The following PCBP3 variants were observed in gnomAD, a reference collection of about 807,000 sequenced individuals.
PCBP3 encodes the protein poly(rC) binding protein 3.
In PCBP3, 25 loss-of-function variants were observed where a neutral mutation model predicts 52.7. The ratio of observed to expected loss-of-function variants is 0.47; its 90% CI spans 0.35 to 0.66. The LOEUF is 0.66. PCBP3 is among the 30% of genes least tolerant of loss of function. The pLI is 0.01. For missense variants in PCBP3, 391 were observed against 490.3 expected (o/e 0.80, Z 1.91); for synonymous variants, 162 against 183.0 (o/e 0.89, Z 0.93).
chr21:45,820,311 T>TG, intron 4 of PCBP3, among the ~76,000 whole-genome samples: 1 of 152,382 alleles, frequency 6.6e-6, no homozygotes, highest in South Asian at 2.1e-4. Flanking sequence ...GTGAGGTCGT[T>TG]GCGCCTACCT....
intron 5 of PCBP3, chr21:45,872,901 A>G (rs2148657605): frequency 6.6e-6 from 1 of 152,296 alleles, no homozygotes; most frequent in African/African-American, 2.4e-5. Flanking sequence ...TTGTCTGATT[A>G]GTCTTCATAT....
chr21:45,797,757 A>AGTGC (rs2092036632), intron 4 of PCBP3, among the ~76,000 whole-genome samples: 1 of 5,762 alleles, frequency 1.7e-4, no homozygotes, highest in African/African-American at 7.7e-4. Flanking sequence ...AGAGAGAGTG[A>AGTGC]ATGGATGTGC....
chr21:45,885,288 T>A (rs1386542646), intron 5 of PCBP3, among the ~76,000 whole-genome samples: 8 of 152,110 alleles, frequency 5.3e-5, no homozygotes, highest in Non-Finnish European at 1.2e-4. Flanking sequence ...TAGCATGGGG[T>A]CATGTCCCTC....
In PCBP3 at chr21:45,912,074, G is replaced by A. The variant is rs561681738; in HGVS notation, c.600+1044G>A. On this transcript the variant is annotated intron_variant, in intron 11 of 17. Transcript: ENST00000681687. ...CCGAGGTCCAGCTCCTCAACAACAC[G>A]TGGGTCTCGTCAGCGTCACCCAGTG... Among the ~76,000 whole-genome samples, 18 of 152,298 alleles carry A rather than the reference G, an allele frequency of 1.2e-4. No homozygotes were observed. The South Asian group carries it at 1.5e-3, about 12-fold the overall frequency.
intron 4 of PCBP3, among the ~76,000 whole-genome samples, chr21:45,777,044 G>A (rs2090315527): frequency 6.6e-6 from 1 of 152,142 alleles, no homozygotes; most frequent in African/African-American, 2.4e-5. Context: ...GTTGGTAAAT[G>A]TCATCTTTGT....
chr21:45,692,756 G>A (rs542719967), intron 2 of PCBP3, among the ~76,000 whole-genome samples: 1 of 152,196 alleles, frequency 6.6e-6, no homozygotes, highest in African/African-American at 2.4e-5. Context: ...ACAGAAGAGA[G>A]GAAAACACCT....
At chr21:45,786,149 T>TAAAC (rs545754146) in intron 4 of PCBP3, among the ~76,000 whole-genome samples, 133 of 144,776 alleles carry the variant, frequency 9.2e-4, no homozygotes, top group African/African-American at 3.4e-3. Flanking sequence ...AATAAATAAA[T>TAAAC]AAATAAATCA....
intron 4 of PCBP3, among the ~76,000 whole-genome samples, chr21:45,813,320 G>A (rs1603441267): frequency 6.6e-6 from 1 of 152,252 alleles, no homozygotes; most frequent in Non-Finnish European, 1.5e-5. Flanking sequence ...CCAGTGAATT[G>A]TCTTCTCCGA....
At chr21:45,907,042 C>CTTCAA (rs1475582174) in intron 9 of PCBP3, among the ~76,000 whole-genome samples, 2 of 152,258 alleles carry the variant, frequency 1.3e-5, no homozygotes, top group Non-Finnish European at 2.9e-5. Flanking sequence ...ACCCTGAGAG[C>CTTCAA]TGAAGGCCAG....
chr21:45,768,833 C>G (rs2089602008), intron 4 of PCBP3, among the ~76,000 whole-genome samples: 1 of 152,180 alleles, frequency 6.6e-6, no homozygotes, highest in Admixed American at 6.5e-5. Flanking sequence ...GAGCAGGGAG[C>G]CAGGCACCCC....
At chr21:45,910,256 C>A (rs889616804) in intron 10 of PCBP3, among the ~76,000 whole-genome samples, 4 of 140,846 alleles carry the variant, frequency 2.8e-5, no homozygotes, top group Non-Finnish European at 4.6e-5. Context: ...CCACTGCTCA[C>A]CTATGGATCC....
In PCBP3 at chr21:45,888,728, C is replaced by A. The variant is rs2095581833; in HGVS notation, c.11-7480C>A. On this transcript the variant is annotated intron_variant, in intron 5 of 17. Transcript: ENST00000681687. ...TGAAGCTGAAATGAATAAACATGTTCCACACGTGGACAGTATCTATACATG... is the reference window on the plus strand; with the variant it reads ...TGAAGCTGAAATGAATAAACATGTTACACACGTGGACAGTATCTATACATG... Among the ~76,000 whole-genome samples, 12 of 152,208 alleles carry A rather than the reference C, an allele frequency of 7.9e-5. 1 individual carries two copies. Among genetic ancestry groups the A allele is most frequent in the Admixed American group, 7.9e-4 (12 of 15,284 alleles).
At position 45,825,814 on chromosome 21, in the gene PCBP3, G is replaced by C. The variant is rs565374393; in HGVS notation, c.-125-24147G>C. ...AGAGGTGGGGTTGGTGGTGGGACGT[G>C]GGGGCGCATGTGGAATCTTTCACAG... is the stretch of plus-strand genomic sequence containing the variant. On this transcript the variant is annotated intron_variant, in intron 4 of 17. Transcript: ENST00000681687. Among the ~76,000 whole-genome samples the C allele has an allele frequency of 2.0e-5, 3 of 152,188 alleles. No individual in the cohort carries two copies. The East Asian group carries it at 5.8e-4, about 29-fold the overall frequency.
At chr21:45,856,431 A>G (rs2094297086) in intron 5 of PCBP3, among the ~76,000 whole-genome samples, 1 of 152,150 alleles carries the variant, frequency 6.6e-6, no homozygotes, top group Non-Finnish European at 1.5e-5. Flanking sequence ...CACATCTCAC[A>G]TGGAAATGTG....
chr21:45,873,997 G>C (rs951850482), intron 5 of PCBP3, among the ~76,000 whole-genome samples: 1 of 152,202 alleles, frequency 6.6e-6, no homozygotes, highest in Non-Finnish European at 1.5e-5. Context: ...TGATCCACCC[G>C]CCTCAGCCTG....
Position 45,788,853 on chromosome 21 carries a change from C to T in PCBP3, c.-126+33401C>T, listed in dbSNP as rs1603427365. On this transcript the variant is annotated intron_variant, in intron 4 of 17. Transcript: ENST00000681687. This position sits in a 1 kb window ranked among gnomAD's most constrained non-coding sequence, Gnocchi z 4.3. ...CAGAATGTTAATGACTCACCAGTCA[C>T]AGGGCAGTTCTCCTCAGGTTAGAAA... The T allele has an allele frequency of 1.3e-5, 2 of 152,342 alleles. No homozygotes were observed. The highest frequency in any genetic ancestry group is 1.5e-5 in the Non-Finnish European group (1 of 68,038). 9.4% of individuals were successfully genotyped at this position (152,342 alleles called of 1,614,324 possible). A position where few individuals can be genotyped will look rare whatever the true frequency, so the allele number is the denominator to read the frequency against.
chr21:45,780,804 G>C (rs9979780), intron 4 of PCBP3, among the ~76,000 whole-genome samples: 3,937 of 152,332 alleles, frequency 0.026, 178 homozygotes, highest in African/African-American at 0.09. Context: ...AAGAGAGAGA[G>C]AGAGCCAGGG....
intron 9 of PCBP3, 124 bp from the exon 10 acceptor site, chr21:45,909,231 C>CGGCT: frequency 9.6e-7 from 1 of 1,046,526 alleles, no homozygotes; most frequent in Middle Eastern, 2.1e-4. Context: ...ACTTTGTCCT[C>CGGCT]GGCTGTGCAT....
rs974126213 is a variant in PCBP3 at position 45,917,493 on chromosome 21, T to C, written c.676-95T>C. The C allele has an allele frequency of 1.3e-5, 12 of 931,922 alleles. No homozygotes were observed. Among genetic ancestry groups the C allele is most frequent in the Admixed American group, 3.5e-5 (2 of 57,556 alleles). 57.7% of individuals were successfully genotyped at this position (931,922 alleles called of 1,614,324 possible). On this transcript the variant is annotated intron_variant, in intron 12 of 17. Coordinates refer to ENST00000681687, the MANE Select transcript of PCBP3 (RefSeq NM_001384156.1). The surrounding 1 kb of genome is among the most constrained non-coding windows in gnomAD (Gnocchi z 5.3). ...GAGAGGCACACGAGGGGGAAGCTTC[T>C]ACCGGAGGGTCCTTGTCATGCTGGA...
Sources: gnomAD v4.1 joint callset for allele counts (sites outside exome capture counted in the v4.1 genomes callset) on GRCh38, gnomAD v4.1.1 for gene constraint, Gnocchi (gnomAD v3.1) non-coding constraint, MANE v1.5 for transcripts, NCBI Gene and HGNC (gene_info 2026-07-23, HGNC 2026-07-21) for gene names.